The following SOX5 variants were observed in gnomAD, a reference collection of about 807,000 sequenced individuals.
The protein encoded by SOX5 is SRY-box transcription factor 5, also known as transcription factor SOX-5.
In SOX5, 9 loss-of-function variants were observed where a neutral mutation model predicts 92.0. The observed-to-expected ratio is 0.10, with a 90% CI of 0.06 to 0.17. The LOEUF (loss-of-function observed/expected upper bound fraction) is 0.17, where lower values mean the gene tolerates loss of function less well. Among genes scored for constraint, SOX5 ranks in the 10% least tolerant of loss-of-function variants. SOX5 has a pLI of 1.00. For missense variants in SOX5, 642 were observed against 944.5 expected, an observed-to-expected ratio of 0.68 and a Z score of 4.20; for synonymous variants, 344 against 336.3, an observed-to-expected ratio of 1.02 and a Z score of -0.25.
intron 4 of SOX5, among the ~76,000 whole-genome samples, chr12:24,037,455 T>C (rs1000844190): frequency 6.6e-6 from 1 of 152,112 alleles, no homozygotes; most frequent in Non-Finnish European, 1.5e-5. Context: ...GAACCATGTA[T>C]AGATAAAACA....
chr12:23,955,642 C>A (rs746031192), upstream of SOX5, among the ~76,000 whole-genome samples: 3 of 152,090 alleles, frequency 2.0e-5, no homozygotes, highest in Non-Finnish European at 4.4e-5. Context: ...TATCAACTCT[C>A]CTTGTGATAC....
chr12:24,445,246 A>G (rs1480058409), intron 1 of SOX5, among the ~76,000 whole-genome samples: 1 of 152,238 alleles, frequency 6.6e-6, no homozygotes, highest in Non-Finnish European at 1.5e-5. Flanking sequence ...TCAAATTTGC[A>G]TGGTATCAGA....
intron 4 of SOX5, among the ~76,000 whole-genome samples, chr12:24,052,075 G>A (rs752090451): frequency 7.9e-5 from 12 of 152,118 alleles, no homozygotes; most frequent in African/African-American, 1.2e-4. Flanking sequence ...CTTACTTGAC[G>A]TTCCTTCCGC....
intron 3 of SOX5, among the ~76,000 whole-genome samples, chr12:24,242,549 A>C (rs1167254927): frequency 6.6e-6 from 1 of 152,186 alleles, no homozygotes; most frequent in Admixed American, 6.5e-5. Context: ...CTTTATTCCC[A>C]CTGAGTTTAT....
intron 2 of SOX5, among the ~76,000 whole-genome samples, chr12:24,308,002 C>G (rs2140749313): frequency 6.6e-6 from 1 of 150,872 alleles, no homozygotes; most frequent in South Asian, 2.1e-4. Flanking sequence ...CAGCTGGTAC[C>G]AGGAAAAGGC....
intron 1 of SOX5, among the ~76,000 whole-genome samples, chr12:24,400,353 A>C (rs746405155): frequency 6.6e-6 from 1 of 151,372 alleles, no homozygotes; most frequent in Non-Finnish European, 1.5e-5. Context: ...GCCTTGCCAC[A>C]AGAAGCATTA....
chr12:23,627,949 T>C (rs941008013), intron 8 of SOX5, among the ~76,000 whole-genome samples: 15 of 152,062 alleles, frequency 9.9e-5, no homozygotes, highest in Middle Eastern at 3.2e-3. Context: ...AAAAACTTGA[T>C]ATTTTATGGT....
intron 1 of SOX5, among the ~76,000 whole-genome samples, chr12:24,501,763 G>A (rs1948229227): frequency 6.6e-6 from 1 of 152,172 alleles, no homozygotes; most frequent in Non-Finnish European, 1.5e-5. Flanking sequence ...GGAGGTATAG[G>A]TTGAAGTGAG....
chr12:24,103,239 A>T (rs1340243514), intron 4 of SOX5, among the ~76,000 whole-genome samples: 2 of 152,236 alleles, frequency 1.3e-5, no homozygotes, highest in Non-Finnish European at 2.9e-5. Context: ...TTATCTGAGC[A>T]GCCAATTTTT....
intron 3 of SOX5, among the ~76,000 whole-genome samples, chr12:23,822,807 C>A (rs1217249015): frequency 6.6e-6 from 1 of 152,172 alleles, no homozygotes; most frequent in African/African-American, 2.4e-5. Flanking sequence ...CTGGGTGCTC[C>A]TGTATTGGGT....
At chr12:24,273,374 G>C (rs1362902636) in intron 3 of SOX5, among the ~76,000 whole-genome samples, 2 of 152,134 alleles carry the variant, frequency 1.3e-5, no homozygotes, top group Non-Finnish European at 2.9e-5. Context: ...TTCCTTTATA[G>C]TTATAGAACT....
chr12:24,030,326 T>C, intron 4 of SOX5, among the ~76,000 whole-genome samples: 1 of 151,888 alleles, frequency 6.6e-6, no homozygotes, highest in East Asian at 1.9e-4. Flanking sequence ...CAAAATAGCA[T>C]GATACTGGCA....
At chr12:24,417,095 G>C (rs1350891747) in intron 1 of SOX5, among the ~76,000 whole-genome samples, 2 of 152,136 alleles carry the variant, frequency 1.3e-5, no homozygotes, top group Non-Finnish European at 2.9e-5. Flanking sequence ...TTCTCATTGG[G>C]GTTATTGAGG....
chr12:24,301,115 G>C (rs1375985988), intron 2 of SOX5, among the ~76,000 whole-genome samples: 1 of 152,158 alleles, frequency 6.6e-6, no homozygotes, highest in Non-Finnish European at 1.5e-5. Context: ...GAAGACCCAG[G>C]GACAAGCAGC....
At chr12:24,099,898 G>C (rs892498787) in intron 4 of SOX5, among the ~76,000 whole-genome samples, 1 of 152,080 alleles carries the variant, frequency 6.6e-6, no homozygotes, top group Non-Finnish European at 1.5e-5. Flanking sequence ...TCTCTTATCT[G>C]CACCTTTGTT....
At chr12:23,574,422 T>C (rs1418751422) in intron 10 of SOX5, among the ~76,000 whole-genome samples, 1 of 152,202 alleles carries the variant, frequency 6.6e-6, no homozygotes, top group East Asian at 1.9e-4. Context: ...CCCCTTTCAT[T>C]GTTAATAGAG....
chr12:23,748,415 A>G (rs2094068817), intron 4 of SOX5, among the ~76,000 whole-genome samples: 1 of 152,046 alleles, frequency 6.6e-6, no homozygotes, highest in Non-Finnish European at 1.5e-5. Context: ...TCTCAAAAAC[A>G]TCGAAATAAT....
At chr12:24,243,596 T>A (rs565773702) in intron 3 of SOX5, among the ~76,000 whole-genome samples, 12 of 152,316 alleles carry the variant, frequency 7.9e-5, no homozygotes, top group Non-Finnish European at 1.6e-4. Flanking sequence ...ATGTATTGTT[T>A]AGATATAAAG....
chr12:23,785,858 TAGA>T (rs2095367964), intron 3 of SOX5, among the ~76,000 whole-genome samples: 1 of 152,096 alleles, frequency 6.6e-6, no homozygotes, highest in East Asian at 1.9e-4. Context: ...AAGTAAGCAA[TAGA>T]AGAATTATAG....
Sources: allele counts gnomAD v4.1 joint callset (sites outside exome capture counted in the v4.1 genomes callset), GRCh38; gene constraint gnomAD v4.1.1; transcripts MANE v1.5; gene names NCBI Gene and HGNC (gene_info 2026-07-23, HGNC 2026-07-21).